Variants in CYTH4 observed in about 807,000 individuals in gnomAD.
CYTH4 encodes cytohesin 4, also known as cytohesin-4.
CYTH4 carries 22 observed loss-of-function variants against 57.5 expected under a neutral mutation model. That is an observed-to-expected ratio of 0.38 (90% CI 0.27 to 0.55). CYTH4 has a LOEUF of 0.55. CYTH4 is among the 20% of genes least tolerant of loss of function. The pLI, the probability that CYTH4 is intolerant of heterozygous loss-of-function variation, is 0.74. For missense variants in CYTH4, 420 were observed against 535.6 expected, an observed-to-expected ratio of 0.78 and a Z score of 2.13; for synonymous variants, 186 against 206.5, an observed-to-expected ratio of 0.90 and a Z score of 0.85.
rs566883922 is a variant in CYTH4 at position 37,297,127 on chromosome 22, A to G, written c.235-437A>G. Among the ~76,000 whole-genome samples the G allele has an allele frequency of 3.3e-5, 5 of 152,288 alleles. No homozygotes were observed. In the East Asian group the frequency reaches 9.6e-4, roughly 29 times the overall value. On this transcript the variant is annotated intron_variant, in intron 4 of 12. Transcript: ENST00000248901. The stretch of plus-strand genomic sequence containing the variant: ...GGGCAATTTCCTCCCCTTTGGATTG[A>G]GCTGGTTTTTCTAACTTTTATACAA...
chr22:37,286,969 A>G (rs2284047), intron 1 of CYTH4, among the ~76,000 whole-genome samples: 81,811 of 151,946 alleles, frequency 0.54, 23,129 homozygotes, highest in South Asian at 0.78. Flanking sequence ...GGAAAGAAAT[A>G]GACAGGACTT....
Position 37,312,086 on chromosome 22 carries a change from G to T in CYTH4, c.1024G>T (p.Asp342Tyr), listed in dbSNP as rs372419773. The T allele has an allele frequency of 6.2e-7, 1 of 1,614,200 alleles. No individual in the cohort carries two copies. The highest frequency in any genetic ancestry group is 8.5e-7 in the Non-Finnish European group (1 of 1,180,036). ...AATCAAGGCCTGCAAGACCGATGGC[G>T]ACGGCAGGGTGGTGGAGGGCAAGCA... ...QKIKACKTDG[D>Y]GRVVEGKHES... is the part of the protein sequence containing the mutation. The change falls in exon 12 of 13, where the codon GAC (aspartate) becomes TAC (tyrosine). Residue 342 changes from aspartate (D) to tyrosine (Y), a missense_variant. Physicochemically the swap from Asp to Tyr is radical, Grantham distance 160. Coordinates refer to ENST00000248901, the MANE Select transcript of CYTH4 (RefSeq NM_013385.5).
At chr22:37,288,337 G>A (rs565699016) in intron 1 of CYTH4, among the ~76,000 whole-genome samples, 12 of 152,280 alleles carry the variant, frequency 7.9e-5, no homozygotes, top group East Asian at 3.9e-4. Flanking sequence ...CCTTGAGCCC[G>A]GGAGGCAGAG....
chr22:37,285,346 G>GGT (rs942319661), intron 1 of CYTH4, among the ~76,000 whole-genome samples: 1 of 150,456 alleles, frequency 6.6e-6, no homozygotes, highest in African/African-American at 2.5e-5. Flanking sequence ...AAGGAAACGG[G>GGT]GTGTGTGGTG....
At chr22:37,282,666 G>A (rs1310835626) in intron 1 of CYTH4, 78 bp downstream of exon 1, 2 of 1,299,548 alleles carry the variant, frequency 1.5e-6, no homozygotes, top group Admixed American at 5.2e-5. Context: ...GCCTCACAGG[G>A]TCCTAGATAA....
rs1402686553 is a variant in CYTH4 at position 37,313,717 on chromosome 22, C to G, written c.*206C>G. The G allele has an allele frequency of 1.7e-6, 1 of 586,440 alleles. No individual in the cohort carries two copies. Among genetic ancestry groups the G allele is most frequent in the Non-Finnish European group, 3.0e-6 (1 of 330,860 alleles). 36.3% of individuals were successfully genotyped at this position (586,440 alleles called of 1,614,324 possible). A position where few individuals can be genotyped will look rare whatever the true frequency, so the allele number is the denominator to read the frequency against. On this transcript the variant is annotated 3_prime_UTR_variant, in exon 13 of 13. Coordinates refer to ENST00000248901, the MANE Select transcript of CYTH4 (RefSeq NM_013385.5). The stretch of plus-strand genomic sequence containing the variant: ...GTGGGCTCAGAGTCCAGCAATGAGG[C>G]CCCCTGGCCTGGGCACCCAGCTGCA...
At chr22:37,308,809 CATGT>C (rs1355108556) in intron 8 of CYTH4, among the ~76,000 whole-genome samples, 1 of 151,428 alleles carries the variant, frequency 6.6e-6, no homozygotes, top group African/African-American at 2.4e-5. Flanking sequence ...CATGTGTGTG[CATGT>C]ATGTGTGAGC....
intron 5 of CYTH4, 23 bp from the exon 6 acceptor site, chr22:37,299,203 C>CA: frequency 6.5e-7 from 1 of 1,539,364 alleles, no homozygotes; most frequent in Non-Finnish European, 9.0e-7. Context: ...GTGTCCCACC[C>CA]TCCCTTCCGC....
intron 1 of CYTH4, among the ~76,000 whole-genome samples, chr22:37,282,954 T>G (rs1928417894): frequency 6.6e-6 from 1 of 152,124 alleles, no homozygotes; most frequent in African/African-American, 2.4e-5. Flanking sequence ...TGCTGTCTGA[T>G]GAGGGACCTG....
Position 37,311,651 on chromosome 22 carries a change from T to G in CYTH4, c.957+124T>G. On this transcript the variant is annotated intron_variant, in intron 11 of 12. Transcript: ENST00000248901. This position sits in a 1 kb window ranked among gnomAD's most constrained non-coding sequence, Gnocchi z 4.4. Reference sequence around the variant, plus strand: ...CAGGCTGTGCCCCTTACACCTTCCCTGTGGCTCAGGGCTGCCTTCTCTCCC... The same window carrying G: ...CAGGCTGTGCCCCTTACACCTTCCCGGTGGCTCAGGGCTGCCTTCTCTCCC... The G allele has an allele frequency of 2.0e-6, 2 of 984,592 alleles. No homozygotes were observed. The highest frequency in any genetic ancestry group is 1.3e-5 in the South Asian group (1 of 74,174). 61.0% of individuals were successfully genotyped at this position (984,592 alleles called of 1,614,324 possible). A position where few individuals can be genotyped will look rare whatever the true frequency, so the allele number is the denominator to read the frequency against.
rs200664782 is a variant in CYTH4, at chr22:37,311,417, C to T, written c.886-39C>T. The T allele has an allele frequency of 4.0e-4, 637 of 1,584,784 alleles. 5 individuals are homozygous for T. In the African/African-American group the frequency reaches 7.6e-3, roughly 19 times the overall value. The stretch of plus-strand genomic sequence containing the variant: ...CACCCTGCCTTGGGCCTCAGGGTTC[C>T]GCTTCCTGACCCTGACCTTCCTTCC... On this transcript the variant is annotated intron_variant, in intron 10 of 12. Transcript: ENST00000248901. The surrounding 1 kb of genome is among the most constrained non-coding windows in gnomAD (Gnocchi z 4.4).
chr22:37,299,676 T>C (rs1002219599), intron 6 of CYTH4, among the ~76,000 whole-genome samples: 2 of 152,234 alleles, frequency 1.3e-5, no homozygotes, highest in African/African-American at 2.4e-5. Flanking sequence ...TATTAGCTTC[T>C]AATTAGGGTA....
At chr22:37,312,761 G>A (rs1244651292) in intron 12 of CYTH4, among the ~76,000 whole-genome samples, 2 of 152,250 alleles carry the variant, frequency 1.3e-5, no homozygotes, top group Non-Finnish European at 2.9e-5. Context: ...AAGCCAAAGT[G>A]TAGGGACTGG....
intron 8 of CYTH4, among the ~76,000 whole-genome samples, chr22:37,306,157 G>A (rs1385686726): frequency 2.0e-5 from 3 of 152,208 alleles, no homozygotes; most frequent in Admixed American, 2.0e-4. Context: ...GAAAAGCTAG[G>A]AGAGGAACCA....
intron 8 of CYTH4, chr22:37,304,189 C>T: frequency 2.2e-6 from 1 of 456,654 alleles, no homozygotes; most frequent in East Asian, 6.9e-5. Flanking sequence ...GGGAGTGCTC[C>T]CAGAGGAGAA....
chr22:37,308,611 TG>T (rs199677505), intron 8 of CYTH4, among the ~76,000 whole-genome samples: 6,257 of 152,154 alleles, frequency 0.041, 207 homozygotes, highest in Non-Finnish European at 0.06. Context: ...TGCATGTATG[TG>T]TGCATAAGCA....
At chr22:37,308,774 G>C (rs1305618972) in intron 8 of CYTH4, among the ~76,000 whole-genome samples, 1 of 151,868 alleles carries the variant, frequency 6.6e-6, no homozygotes, top group Non-Finnish European at 1.5e-5. Flanking sequence ...GAGCGTGCCT[G>C]CATGTGTGTA....
At chr22:37,308,866 A>G (rs528774957) in intron 8 of CYTH4, among the ~76,000 whole-genome samples, 126 of 116,218 alleles carry the variant, frequency 1.1e-3, no homozygotes, top group Non-Finnish European at 1.9e-3. Context: ...GAACGTGCAT[A>G]CATGTGCGTG....
In CYTH4 at chr22:37,284,118, G is replaced by A. The variant is rs549116815; in HGVS notation, c.19+1530G>A. The stretch of plus-strand genomic sequence containing the variant: ...TGCGGGAGAGAGCCCCAGGTTGGCC[G>A]GGGCTATGGAGAGGGCAGGGGAGGG... On this transcript the variant is annotated intron_variant, in intron 1 of 12. Coordinates refer to ENST00000248901, the MANE Select transcript of CYTH4 (RefSeq NM_013385.5). 1.4e-4 allele frequency among the ~76,000 whole-genome samples: 21 copies of A among 152,284 alleles called. No individual in the cohort carries two copies. In the South Asian group the frequency reaches 2.3e-3, roughly 17 times the overall value.
Sources: gnomAD v4.1 joint callset for allele counts (sites outside exome capture counted in the v4.1 genomes callset) on GRCh38, gnomAD v4.1.1 for gene constraint, Gnocchi (gnomAD v3.1) non-coding constraint, MANE v1.5 for transcripts, NCBI Gene and HGNC (gene_info 2026-07-23, HGNC 2026-07-21) for gene names.